Variants in DPYSL3 observed in about 807,000 individuals in gnomAD.
DPYSL3 encodes dihydropyrimidinase like 3.
Under a neutral mutation model 66.1 loss-of-function variants are expected in DPYSL3, and 16 were observed. The ratio of observed to expected loss-of-function variants is 0.24; its 90% CI spans 0.16 to 0.37. The LOEUF (loss-of-function observed/expected upper bound fraction) is 0.37, where lower values mean the gene tolerates loss of function less well. DPYSL3 is among the 10% of genes least tolerant of loss of function. The probability of loss-of-function intolerance (pLI) is 1.00; values close to 1 mark genes in which losing one functional copy is unlikely to be tolerated. For missense variants in DPYSL3, 738 were observed against 916.2 expected, an observed-to-expected ratio of 0.81 and a Z score of 2.51; for synonymous variants, 338 against 345.1, an observed-to-expected ratio of 0.98 and a Z score of 0.23.
chr5:147,446,983 C>T (rs920170950), intron 1 of DPYSL3, among the ~76,000 whole-genome samples: 7 of 152,164 alleles, frequency 4.6e-5, no homozygotes, highest in East Asian at 1.9e-4. Context: ...GCCTATGAAA[C>T]GAATTCACCT....
Position 147,509,562 on chromosome 5 carries a change from C to T in DPYSL3, c.297G>A (p.Ala99=). The T allele has an allele frequency of 6.5e-7, 1 of 1,534,958 alleles. No homozygotes were observed. Among genetic ancestry groups the T allele is most frequent in the Non-Finnish European group, 8.7e-7 (1 of 1,146,490 alleles). The change falls in exon 1 of 14, where the codon GCG becomes GCA. Residue 99 remains alanine (A), a synonymous_variant. Transcript: ENST00000343218. This position sits in a 1 kb window ranked among gnomAD's most constrained non-coding sequence, Gnocchi z 5.3. ...GQGREESREP[A]PASPAPAGVE... ...CCCCGGCGGGGGCGGGGGAGGCGGGCGCGGGCTCCCTGCTCTCTTCCCGGC... is the reference window on the plus strand; with the variant it reads ...CCCCGGCGGGGGCGGGGGAGGCGGGTGCGGGCTCCCTGCTCTCTTCCCGGC...
intron 1 of DPYSL3, among the ~76,000 whole-genome samples, chr5:147,491,815 G>A (rs956009619): frequency 2.0e-5 from 3 of 151,200 alleles, no homozygotes; most frequent in Middle Eastern, 6.9e-3. Context: ...AACTACCAAA[G>A]GTGTAAAATG....
At position 147,394,121 on chromosome 5, in the gene DPYSL3, T is replaced by C. The variant is rs542333524; in HGVS notation, c.1969A>G (p.Thr657Ala). The C allele has an allele frequency of 1.1e-5, 17 of 1,613,374 alleles. 1 individual carries two copies. In the East Asian group the frequency reaches 3.8e-4, roughly 36 times the overall value. ...GAGCGAACCCCCTCATCCACTTGGGTGCCTACAGTTGGAAATAAATTCCCA... is the reference window on the plus strand; with the variant it reads ...GAGCGAACCCCCTCATCCACTTGGGCGCCTACAGTTGGAAATAAATTCCCA... ...LHQSGFSLSG[T>A]QVDEGVRSAS... The change falls in exon 14 of 14, where the codon ACC (threonine) becomes GCC (alanine). Residue 657 changes from threonine to alanine, a missense_variant and splice_region_variant. Transcript: ENST00000343218.
rs1183326660 is a variant in DPYSL3, at chr5:147,391,194, C to T, written c.*2841G>A. 1 of 152,522 alleles carries T rather than the reference C, an allele frequency of 6.6e-6. No homozygotes were observed. Among genetic ancestry groups the T allele is most frequent in the African/African-American group, 2.4e-5 (1 of 41,440 alleles). 9.4% of individuals were successfully genotyped at this position (152,522 alleles called of 1,614,324 possible). A position where few individuals can be genotyped will look rare whatever the true frequency, so the allele number is the denominator to read the frequency against. ...GGGCTTCTCAGGGATGAGTGAAAAT[C>T]CAGGCTCAGGTGTCAGCCCTTTGTG... On this transcript the variant is annotated 3_prime_UTR_variant, in exon 14 of 14. Transcript: ENST00000343218.
intron 1 of DPYSL3, among the ~76,000 whole-genome samples, chr5:147,468,460 T>A (rs1262417743): frequency 6.6e-6 from 1 of 152,238 alleles, no homozygotes; most frequent in South Asian, 2.1e-4. Flanking sequence ...CTATAGTTAG[T>A]CTTTATTTTG....
chr5:147,433,755 C>T (rs115994611), intron 1 of DPYSL3, among the ~76,000 whole-genome samples: 3,127 of 152,274 alleles, frequency 0.021, 117 homozygotes, highest in African/African-American at 0.071. Flanking sequence ...GACTCCTGGC[C>T]AGGCGCAGTG....
In DPYSL3 at chr5:147,411,194, T is replaced by G. The variant is rs1046523718; in HGVS notation, c.963+1414A>C. The stretch of plus-strand genomic sequence containing the variant: ...CATTTGGGCTCTCTAAAGAAAATGA[T>G]TTCATTATCTTTGGGTGTGTGGTGG... On this transcript the variant is annotated intron_variant, in intron 6 of 13. Coordinates refer to ENST00000343218, the MANE Select transcript of DPYSL3 (RefSeq NM_001197294.2). Among the ~76,000 whole-genome samples the G allele has an allele frequency of 5.3e-5, 8 of 152,266 alleles. No individual in the cohort carries two copies. In the East Asian group the frequency reaches 1.5e-3, roughly 29 times the overall value.
chr5:147,433,231 G>A (rs1443744369), intron 1 of DPYSL3, among the ~76,000 whole-genome samples: 1 of 152,118 alleles, frequency 6.6e-6, no homozygotes, highest in East Asian at 1.9e-4. Context: ...GTAGAGTGAC[G>A]GGGACCACCC....
rs757343684 is a variant in DPYSL3, at chr5:147,399,135, C to T, written c.1570G>A (p.Val524Ile). Residue 524 changes from valine (V) to isoleucine (I), a missense_variant, in exon 11 of 14, where the codon GTC (valine) becomes ATC (isoleucine). Transcript: ENST00000343218. ...RISVGSDSDL[V>I]IWDPDAVKIV... Reference sequence around the variant, plus strand: ...TTCACAGCATCTGGATCCCAGATGACGAGGTCGCTGTCAGAACCCACAGAT... The same window carrying T: ...TTCACAGCATCTGGATCCCAGATGATGAGGTCGCTGTCAGAACCCACAGAT... The T allele has an allele frequency of 1.7e-5, 27 of 1,614,180 alleles. No individual in the cohort carries two copies. The highest frequency in any genetic ancestry group is 8.8e-5 in the South Asian group (8 of 91,068).
intron 1 of DPYSL3, among the ~76,000 whole-genome samples, chr5:147,480,420 T>A (rs1330886428): frequency 6.6e-6 from 1 of 151,868 alleles, no homozygotes; most frequent in Non-Finnish European, 1.5e-5. Flanking sequence ...TTTCGCTCTT[T>A]CAACTTCCAA....
chr5:147,458,627 A>G (rs1397969182), intron 1 of DPYSL3, among the ~76,000 whole-genome samples: 1 of 152,206 alleles, frequency 6.6e-6, no homozygotes, highest in Non-Finnish European at 1.5e-5. Flanking sequence ...CTTTCCGGTA[A>G]TAGCAGCAGT....
chr5:147,495,304 A>C (rs1048718752), intron 1 of DPYSL3, among the ~76,000 whole-genome samples: 9 of 152,226 alleles, frequency 5.9e-5, no homozygotes, highest in African/African-American at 1.9e-4. Flanking sequence ...CTGAATGGGC[A>C]AAAACTGGAA....
At chr5:147,451,006 T>C (rs866040029) in intron 1 of DPYSL3, among the ~76,000 whole-genome samples, 1 of 152,252 alleles carries the variant, frequency 6.6e-6, no homozygotes, top group Non-Finnish European at 1.5e-5. Flanking sequence ...TATGTCTACA[T>C]TGTTATATTT....
chr5:147,485,023 T>C (rs1252772635), intron 1 of DPYSL3, among the ~76,000 whole-genome samples: 1 of 152,192 alleles, frequency 6.6e-6, no homozygotes, highest in African/African-American at 2.4e-5. Context: ...CCCATGAGAG[T>C]TTTAGTCTCT....
At position 147,510,028 on chromosome 5, in the gene DPYSL3, A is replaced by G; in HGVS notation, c.-170T>C. 1 of 1,140,966 alleles carries G rather than the reference A, an allele frequency of 8.8e-7. No homozygotes were observed. The highest frequency in any genetic ancestry group is 1.6e-5 in the African/African-American group (1 of 62,104). The allele number at this position is 1,140,966 out of a possible 1,614,324, so 70.7% of individuals were successfully genotyped here. A position where few individuals can be genotyped will look rare whatever the true frequency, so the allele number is the denominator to read the frequency against. ...CCTGCTTGTCCCTAGCGAGCCAGCG[A>G]GCCACACAGCCAGCTAGCGCGCGGA... On this transcript the variant is annotated 5_prime_UTR_variant, in exon 1 of 14. Transcript: ENST00000343218.
chr5:147,397,150 G>C (rs904107854), intron 12 of DPYSL3, among the ~76,000 whole-genome samples: 1 of 112,904 alleles, frequency 8.9e-6, no homozygotes, highest in African/African-American at 4.0e-5. Context: ...GCATACATTT[G>C]CACACATGTA....
chr5:147,430,112 A>T (rs534853277), intron 1 of DPYSL3, among the ~76,000 whole-genome samples: 5 of 152,218 alleles, frequency 3.3e-5, no homozygotes, highest in African/African-American at 1.2e-4. Context: ...AGAAATGAAT[A>T]AAGGAAGGAA....
rs1561793868 is a variant in DPYSL3 at position 147,452,920 on chromosome 5, C to CAT, written c.382-27958_382-27957insAT. Among the ~76,000 whole-genome samples the CAT allele has an allele frequency of 2.1e-5, 3 of 144,916 alleles. No individual in the cohort carries two copies. The East Asian group carries it at 6.3e-4, about 30-fold the overall frequency. ...ACACACACACACACACACACACACA[C>CAT]ACACACATAAAGTTGATCATTCCCA... On this transcript the variant is annotated intron_variant, in intron 1 of 13. Transcript: ENST00000343218.
intron 1 of DPYSL3, among the ~76,000 whole-genome samples, chr5:147,500,944 G>A (rs56348704): frequency 0.13 from 20,372 of 152,154 alleles, 1,444 homozygotes; most frequent in Middle Eastern, 0.22. Flanking sequence ...CTCACCATGC[G>A]ATCCAGCAAC....
Sources: gnomAD v4.1 joint callset for allele counts (sites outside exome capture counted in the v4.1 genomes callset) on GRCh38, gnomAD v4.1.1 for gene constraint, Gnocchi (gnomAD v3.1) non-coding constraint, MANE v1.5 for transcripts, NCBI Gene and HGNC (gene_info 2026-07-23, HGNC 2026-07-21) for gene names.